Variants in FAM135A observed in about 807,000 individuals in gnomAD.
The protein encoded by FAM135A is family with sequence similarity 135 member A, also known as protein FAM135A.
Under a neutral mutation model 146.8 loss-of-function variants are expected in FAM135A, and 79 were observed. The ratio of observed to expected loss-of-function variants is 0.54; its 90% CI spans 0.45 to 0.65. The LOEUF is 0.65. Ranked by LOEUF, FAM135A falls within the 30% of genes least tolerant of loss-of-function variation. FAM135A has a pLI of 0.00. For synonymous variants in FAM135A, 562 were observed against 603.6 expected (o/e 0.93, Z 1.01); for missense variants, 1,623 against 1,758.2 (o/e 0.92, Z 1.38).
chr6:70,444,270 G>C (rs1235202000), intron 4 of FAM135A, among the ~76,000 whole-genome samples: 1 of 152,098 alleles, frequency 6.6e-6, no homozygotes, highest in African/African-American at 2.4e-5. Context: ...GGGCTTTGTG[G>C]CACACGCCTG....
At chr6:70,522,901 A>C (rs1793923112) in intron 13 of FAM135A, among the ~76,000 whole-genome samples, 1 of 152,036 alleles carries the variant, frequency 6.6e-6, no homozygotes, top group African/African-American at 2.4e-5. Flanking sequence ...CTTTATTTTC[A>C]CAGGCCAGAA....
chr6:70,526,460 A>G lies in FAM135A; in HGVS notation c.3376A>G (p.Arg1126Gly), dbSNP rs763540931. Residue 1126 changes from arginine to glycine, a missense_variant, in exon 15 of 22, where the codon AGA becomes GGA. Transcript: ENST00000418814. Reference protein sequence around the residue: ...YTSRDELMEERLTKSEKINSD... With the variant: ...YTSRDELMEEGLTKSEKINSD... Reference sequence around the variant, plus strand: ...AAGCAGAGATGAACTAATGGAAGAAAGACTTACAAAATCTGAAAAAATAAA... The same window carrying G: ...AAGCAGAGATGAACTAATGGAAGAAGGACTTACAAAATCTGAAAAAATAAA... 9 of 1,613,522 alleles carry G rather than the reference A, an allele frequency of 5.6e-6. No homozygotes were observed. Among genetic ancestry groups the G allele is most frequent in the South Asian group, 3.3e-5 (3 of 91,052 alleles).
intron 11 of FAM135A, among the ~76,000 whole-genome samples, chr6:70,496,796 G>A (rs1277118587): frequency 2.1e-5 from 3 of 145,980 alleles, no homozygotes; most frequent in African/African-American, 7.6e-5. Flanking sequence ...GGTCAGATTT[G>A]TCAAAGATCA....
chr6:70,465,713 C>A (rs1235751549), intron 5 of FAM135A, among the ~76,000 whole-genome samples: 2 of 152,058 alleles, frequency 1.3e-5, no homozygotes, highest in African/African-American at 4.8e-5. Flanking sequence ...TTTTGAGGAA[C>A]CCCCATAGTA....
intron 12 of FAM135A, 21 bp from the exon 13 acceptor site, chr6:70,522,492 C>A: frequency 6.2e-7 from 1 of 1,609,538 alleles, no homozygotes; most frequent in South Asian, 1.1e-5. Context: ...GTTATTAATA[C>A]TCTCCTTTGG....
chr6:70,464,161 C>G lies in FAM135A; in HGVS notation c.158-11249C>G, dbSNP rs184728811. 2.2e-3 allele frequency among the ~76,000 whole-genome samples: 335 copies of G among 152,048 alleles called. 2 individuals are homozygous for G. The highest frequency in any genetic ancestry group is 3.9e-3 in the Non-Finnish European group (263 of 67,932). On this transcript the variant is annotated intron_variant, in intron 5 of 21. Coordinates refer to ENST00000418814, the MANE Select transcript of FAM135A (RefSeq NM_001162529.3). ...AAAGATACCAGTGCTAACTTTTAAC[C>G]AAAGGAAACGGAAATGCAGATAGTG...
chr6:70,512,010 A>G lies in FAM135A; in HGVS notation c.1029+9219A>G, dbSNP rs868117564. On this transcript the variant is annotated intron_variant, in intron 12 of 21. Coordinates refer to ENST00000418814, the MANE Select transcript of FAM135A (RefSeq NM_001162529.3). ...CTTAAACGTCATTATGTGGAGCATGACTATATGAACTTACTGAATTATCAT... is the reference window on the plus strand; with the variant it reads ...CTTAAACGTCATTATGTGGAGCATGGCTATATGAACTTACTGAATTATCAT... 6.6e-5 allele frequency among the ~76,000 whole-genome samples: 10 copies of G among 151,976 alleles called. 1 individual carries two copies. In the South Asian group the frequency reaches 1.7e-3, roughly 25 times the overall value.
At chr6:70,414,109 T>C (rs1374618155) in intron 1 of FAM135A, 1 of 939,514 alleles carries the variant, frequency 1.1e-6, no homozygotes, top group Non-Finnish European at 1.3e-6. Flanking sequence ...CCACGTGTCT[T>C]TTTGCCCGGG....
intron 10 of FAM135A, among the ~76,000 whole-genome samples, chr6:70,485,231 C>T (rs1402089671): frequency 6.6e-6 from 1 of 152,032 alleles, no homozygotes; most frequent in South Asian, 2.1e-4. Context: ...TAGGCATCAA[C>T]ATAAAGCTTA....
intron 12 of FAM135A, among the ~76,000 whole-genome samples, chr6:70,518,306 G>C (rs924257275): frequency 1.3e-5 from 2 of 152,190 alleles, no homozygotes; most frequent in Admixed American, 1.3e-4. Flanking sequence ...AAGGCTGAAA[G>C]GTAAGGAAGC....
At chr6:70,454,945 AG>A (rs1159350981) in intron 5 of FAM135A, among the ~76,000 whole-genome samples, 6 of 152,132 alleles carry the variant, frequency 3.9e-5, no homozygotes, top group Non-Finnish European at 7.4e-5. Flanking sequence ...ATTTTAAAGT[AG>A]TTTTTTCCAA....
In FAM135A at chr6:70,524,838, A is replaced by T; in HGVS notation, c.1754A>T (p.Gln585Leu). ...CCAACTAATACAGAGAGAACTGAAC[A>T]AAAGTCTCCAGATATTGAAAATGTT... ...CLPTNTERTE[Q>L]KSPDIENVQP... Residue 585 changes from glutamine (Q) to leucine (L), a missense_variant, in exon 15 of 22, where the codon CAA becomes CTA. Gln to Leu is a moderately radical substitution (Grantham distance 113). Transcript: ENST00000418814. 1 of 1,584,236 alleles carries T rather than the reference A, an allele frequency of 6.3e-7. No homozygotes were observed. The highest frequency in any genetic ancestry group is 8.6e-7 in the Non-Finnish European group (1 of 1,164,362).
intron 19 of FAM135A, among the ~76,000 whole-genome samples, chr6:70,537,965 CTTCTTT>C (rs1285818930): frequency 6.6e-6 from 1 of 152,140 alleles, no homozygotes; most frequent in Non-Finnish European, 1.5e-5. Flanking sequence ...TCTTCATCTT[CTTCTTT>C]ATCATTTGAA....
Position 70,560,078 on chromosome 6 carries a change from C to A in FAM135A, c.*157C>A. 1 of 580,152 alleles carries A rather than the reference C, an allele frequency of 1.7e-6. No homozygotes were observed. Among genetic ancestry groups the A allele is most frequent in the Non-Finnish European group, 2.8e-6 (1 of 351,804 alleles). The allele number at this position is 580,152 out of a possible 1,614,324, so 35.9% of individuals were successfully genotyped here. ...TCATCCATGTTTAGTGCTTTTTAAACATCAACTTTACTTTCTAGGTAATGT... is the reference window on the plus strand; with the variant it reads ...TCATCCATGTTTAGTGCTTTTTAAAAATCAACTTTACTTTCTAGGTAATGT... On this transcript the variant is annotated 3_prime_UTR_variant, in exon 22 of 22. Coordinates refer to ENST00000418814, the MANE Select transcript of FAM135A (RefSeq NM_001162529.3).
At chr6:70,433,329 G>A (rs984609193) in intron 4 of FAM135A, among the ~76,000 whole-genome samples, 7 of 151,878 alleles carry the variant, frequency 4.6e-5, no homozygotes, top group African/African-American at 9.7e-5. Context: ...CCGCCTCGGC[G>A]TCCCAAAGTG....
intron 5 of FAM135A, among the ~76,000 whole-genome samples, chr6:70,459,758 G>A (rs531093332): frequency 2.0e-4 from 31 of 152,180 alleles, no homozygotes; most frequent in Admixed American, 1.4e-3. Context: ...CACCAGGCGC[G>A]GAGGCTCATG....
intron 20 of FAM135A, among the ~76,000 whole-genome samples, chr6:70,538,716 T>C (rs1320651969): frequency 1.3e-5 from 2 of 151,304 alleles, no homozygotes; most frequent in Admixed American, 6.6e-5. Flanking sequence ...TTTCTGCATG[T>C]CCTATCCCCG....
chr6:70,546,722 C>G (rs1798931054), intron 20 of FAM135A, among the ~76,000 whole-genome samples: 1 of 152,076 alleles, frequency 6.6e-6, no homozygotes, highest in Non-Finnish European at 1.5e-5. Flanking sequence ...GGGAAATTAT[C>G]TATTTTGATT....
rs1344235758 is a variant in FAM135A, at chr6:70,440,044, A to C, written c.77+11625A>C. On this transcript the variant is annotated intron_variant, in intron 4 of 21. Coordinates refer to ENST00000418814, the MANE Select transcript of FAM135A (RefSeq NM_001162529.3). ...GTGTACACAGTCCCTCAGTCATCTC[A>C]TAAGTGTGTTCTTAATTATTTGTTT... Among the ~76,000 whole-genome samples, 3 of 152,234 alleles carry C rather than the reference A, an allele frequency of 2.0e-5. No individual in the cohort carries two copies. In the South Asian group the frequency reaches 6.2e-4, roughly 31 times the overall value.
Sources: allele counts gnomAD v4.1 joint callset (sites outside exome capture counted in the v4.1 genomes callset), GRCh38; gene constraint gnomAD v4.1.1; transcripts MANE v1.5; gene names NCBI Gene and HGNC (gene_info 2026-07-23, HGNC 2026-07-21).